The following NFIX variants were observed in gnomAD, a reference collection of about 807,000 sequenced individuals.
NFIX encodes the protein nuclear factor 1 X-type.
In NFIX, 2 loss-of-function variants were observed where a neutral mutation model predicts 53.3. The observed-to-expected ratio is 0.04, with a 90% CI of 0.02 to 0.12. NFIX has a LOEUF of 0.12. Among genes scored for constraint, NFIX ranks in the 10% least tolerant of loss-of-function variants. NFIX has a pLI of 1.00. For synonymous variants in NFIX, 244 were observed against 289.0 expected, an observed-to-expected ratio of 0.84 and a Z score of 1.58; for missense variants, 310 against 674.5, an observed-to-expected ratio of 0.46 and a Z score of 5.99.
chr19:13,072,139 C>T lies in NFIX; in HGVS notation c.560-908C>T, dbSNP rs965311442. On this transcript the variant is annotated intron_variant, in intron 2 of 10. Coordinates refer to ENST00000592199, the MANE Select transcript of NFIX (RefSeq NM_001365902.3). The surrounding 1 kb of genome is among the most constrained non-coding windows in gnomAD (Gnocchi z 4.0). ...CACAACCTGCCTGGCCCCCCTCCAC[C>T]ACCCTCTCGCCAGCTGTCATGCCCA... 6.6e-6 allele frequency among the ~76,000 whole-genome samples: 1 copy of T among 152,248 alleles called. No homozygotes were observed. Among genetic ancestry groups the T allele is most frequent in the African/African-American group, 2.4e-5 (1 of 41,466 alleles).
chr19:13,025,623 C>G lies in NFIX; in HGVS notation c.559+71C>G. 6.5e-7 allele frequency: 1 copy of G among 1,534,926 alleles called. No individual in the cohort carries two copies. On this transcript the variant is annotated intron_variant, in intron 2 of 10. Coordinates refer to ENST00000592199, the MANE Select transcript of NFIX (RefSeq NM_001365902.3). The surrounding 1 kb of genome is among the most constrained non-coding windows in gnomAD (Gnocchi z 7.5). ...CTGGCATTTGTTCTGTTTATTGTTC[C>G]TCTAATTTCCAAGCGATAACTCGCC...
In NFIX at chr19:13,006,172, C is replaced by T. The variant is rs1049352712; in HGVS notation, c.27+10308C>T. 3.9e-5 allele frequency among the ~76,000 whole-genome samples: 6 copies of T among 152,132 alleles called. No individual in the cohort carries two copies. Among genetic ancestry groups the T allele is most frequent in the Non-Finnish European group, 7.4e-5 (5 of 68,020 alleles). ...GTGCTGTGGGAAGAACAGAGCTGGC[C>T]GGGCCCTCGGGAGTGCTGGGCAGCT... is the stretch of plus-strand genomic sequence containing the variant. On this transcript the variant is annotated intron_variant, in intron 1 of 10. Transcript: ENST00000592199. This position sits in a 1 kb window ranked among gnomAD's most constrained non-coding sequence, Gnocchi z 5.6.
rs1266320835 is a variant in NFIX, at chr19:12,998,182, T to C, written c.27+2318T>C. On this transcript the variant is annotated intron_variant, in intron 1 of 10. Coordinates refer to ENST00000592199, the MANE Select transcript of NFIX (RefSeq NM_001365902.3). This position sits in a 1 kb window ranked among gnomAD's most constrained non-coding sequence, Gnocchi z 4.4. ...CTGGTGTATTCTGCCCTTTTCCATC[T>C]CTCTTTCTCCATCTCTGTCCTTTTG... Among the ~76,000 whole-genome samples the C allele has an allele frequency of 2.6e-5, 4 of 152,140 alleles. No homozygotes were observed. Among genetic ancestry groups the C allele is most frequent in the Non-Finnish European group, 1.5e-5 (1 of 68,030 alleles).
intron 5 of NFIX, 61 bp downstream of exon 5, chr19:13,074,087 C>T: frequency 6.2e-7 from 1 of 1,602,394 alleles, no homozygotes; most frequent in Non-Finnish European, 8.5e-7. Context: ...CAGGGCCGTC[C>T]CAGTGGCTAT....
Position 13,011,182 on chromosome 19 carries a change from G to T in NFIX, c.28-13839G>T, listed in dbSNP as rs538539365. 2.0e-5 allele frequency among the ~76,000 whole-genome samples: 3 copies of T among 152,190 alleles called. No homozygotes were observed. The South Asian group carries it at 6.2e-4, about 32-fold the overall frequency. On this transcript the variant is annotated intron_variant, in intron 1 of 10. Transcript: ENST00000592199. The surrounding 1 kb of genome is among the most constrained non-coding windows in gnomAD (Gnocchi z 6.5). ...CGGACATCCCACGTTCTTAAAGACC[G>T]GGGACCCCCCCTCCCCCAAGGGCCG...
At position 13,072,943 on chromosome 19, in the gene NFIX, TG is replaced by T; in HGVS notation, c.560-101del. On this transcript the variant is annotated intron_variant, in intron 2 of 10. Coordinates refer to ENST00000592199, the MANE Select transcript of NFIX (RefSeq NM_001365902.3). The surrounding 1 kb of genome is among the most constrained non-coding windows in gnomAD (Gnocchi z 4.0). Reference sequence around the variant, plus strand: ...GGGGTGAAGGTTTCTGTAGCCAGGGTGGGCCGTCCCTGCTCTTGCACCAGGC... The same window carrying T: ...GGGGTGAAGGTTTCTGTAGCCAGGGTGGCCGTCCCTGCTCTTGCACCAGGC... The T allele has an allele frequency of 9.1e-7, 1 of 1,103,480 alleles. No individual in the cohort carries two copies. Among genetic ancestry groups the T allele is most frequent in the Non-Finnish European group, 1.4e-6 (1 of 715,892 alleles). 68.4% of individuals were successfully genotyped at this position (1,103,480 alleles called of 1,614,324 possible). A position where few individuals can be genotyped will look rare whatever the true frequency, so the allele number is the denominator to read the frequency against.
intron 2 of NFIX, among the ~76,000 whole-genome samples, chr19:13,064,471 G>A (rs2016282263): frequency 6.6e-6 from 1 of 152,206 alleles, no homozygotes; most frequent in South Asian, 2.1e-4. Context: ...CCCCACCCCT[G>A]TTTCTAGTAT....
chr19:13,091,531 G>A (rs2018139304), intron 10 of NFIX, among the ~76,000 whole-genome samples: 1 of 151,792 alleles, frequency 6.6e-6, no homozygotes, highest in Non-Finnish European at 1.5e-5. Flanking sequence ...CCAGAGTCAC[G>A]TCTGACCCGT....
At chr19:13,053,006 C>G (rs572370743) in intron 2 of NFIX, among the ~76,000 whole-genome samples, 128 of 152,358 alleles carry the variant, frequency 8.4e-4, no homozygotes, top group Middle Eastern at 6.8e-3. Context: ...AGCCTTAAGA[C>G]GTCCCTTCCT....
Position 13,073,226 on chromosome 19 carries a change from C to G in NFIX, c.622+117C>G, listed in dbSNP as rs1357342407. 9.2e-7 allele frequency: 1 copy of G among 1,089,582 alleles called. No homozygotes were observed. The highest frequency in any genetic ancestry group is 1.4e-6 in the Non-Finnish European group (1 of 705,652). The allele number at this position is 1,089,582 out of a possible 1,614,324, so 67.5% of individuals were successfully genotyped here. A position where few individuals can be genotyped will look rare whatever the true frequency, so the allele number is the denominator to read the frequency against. Reference sequence around the variant, plus strand: ...TCCCCTTCATTCAGCTGTCCCTTGACTGAGCTTAGCTTGCTGTCCTGAGGG... The same window carrying G: ...TCCCCTTCATTCAGCTGTCCCTTGAGTGAGCTTAGCTTGCTGTCCTGAGGG... On this transcript the variant is annotated intron_variant, in intron 3 of 10. Transcript: ENST00000592199. The surrounding 1 kb of genome is among the most constrained non-coding windows in gnomAD (Gnocchi z 4.5).
rs200138258 is a variant in NFIX, at chr19:13,044,998, C to T, written c.559+19446C>T. On this transcript the variant is annotated intron_variant, in intron 2 of 10. Coordinates refer to ENST00000592199, the MANE Select transcript of NFIX (RefSeq NM_001365902.3). The stretch of plus-strand genomic sequence containing the variant: ...GGTCCCACTGCAGGCTGTGGGATGA[C>T]ACGGGATGACTGCAGTACTGAGGAT... Among the ~76,000 whole-genome samples, 11 of 152,178 alleles carry T rather than the reference C, an allele frequency of 7.2e-5. No individual in the cohort carries two copies. The East Asian group carries it at 1.9e-3, about 27-fold the overall frequency.
intron 1 of NFIX, among the ~76,000 whole-genome samples, chr19:13,004,105 G>C (rs2011877636): frequency 6.6e-6 from 1 of 152,072 alleles, no homozygotes; most frequent in Non-Finnish European, 1.5e-5. Context: ...TGTGGAGGGG[G>C]TGCTATTTAG....
Position 13,049,875 on chromosome 19 carries a change from A to G in NFIX, c.560-23172A>G, listed in dbSNP as rs1262944039. On this transcript the variant is annotated intron_variant, in intron 2 of 10. Coordinates refer to ENST00000592199, the MANE Select transcript of NFIX (RefSeq NM_001365902.3). This position sits in a 1 kb window ranked among gnomAD's most constrained non-coding sequence, Gnocchi z 4.5. ...CCAAAGTGTTGGGATTACAGGCGAG[A>G]GCCACTGCACCCGGCCAGTTCCTTT... Among the ~76,000 whole-genome samples the G allele has an allele frequency of 6.6e-6, 1 of 152,208 alleles. No homozygotes were observed. Among genetic ancestry groups the G allele is most frequent in the Non-Finnish European group, 1.5e-5 (1 of 68,048 alleles).
In NFIX at chr19:13,073,703, A is replaced by C. The variant is rs1226269630; in HGVS notation, c.698-203A>C. On this transcript the variant is annotated intron_variant, in intron 4 of 10. Transcript: ENST00000592199. The surrounding 1 kb of genome is among the most constrained non-coding windows in gnomAD (Gnocchi z 4.5). ...CAGTCTCCATTGCTTTGGAGGAAAA[A>C]GAAAAAGTCACAACCAAAGGCTCTT... Among the ~76,000 whole-genome samples the C allele has an allele frequency of 6.6e-6, 1 of 152,146 alleles. No homozygotes were observed. Among genetic ancestry groups the C allele is most frequent in the Non-Finnish European group, 1.5e-5 (1 of 68,016 alleles).
rs1242568748 is a variant in NFIX, at chr19:13,093,174, A to C, written c.1495-1461A>C. The stretch of plus-strand genomic sequence containing the variant: ...CAGTAGCCACATTTCAAGTGCTTAG[A>C]AACCACTTGTGGCTAGTGGCTACTG... On this transcript the variant is annotated intron_variant, in intron 10 of 10. Coordinates refer to ENST00000592199, the MANE Select transcript of NFIX (RefSeq NM_001365902.3). The surrounding 1 kb of genome is among the most constrained non-coding windows in gnomAD (Gnocchi z 4.7). Among the ~76,000 whole-genome samples, 1 of 152,222 alleles carries C rather than the reference A, an allele frequency of 6.6e-6. No homozygotes were observed. Among genetic ancestry groups the C allele is most frequent in the Non-Finnish European group, 1.5e-5 (1 of 68,038 alleles).
chr19:13,050,084 T>C (rs2015236067), intron 2 of NFIX, among the ~76,000 whole-genome samples: 1 of 152,254 alleles, frequency 6.6e-6, no homozygotes, highest in Non-Finnish European at 1.5e-5. Flanking sequence ...GGAATTGCCC[T>C]GTCCTAGAGT....
rs1472891108 is a variant in NFIX at position 13,012,879 on chromosome 19, C to T, written c.28-12142C>T. On this transcript the variant is annotated intron_variant, in intron 1 of 10. Transcript: ENST00000592199. This position sits in a 1 kb window ranked among gnomAD's most constrained non-coding sequence, Gnocchi z 5.0. ...AGGAGCCTCACCTTCAATCCCCGAG[C>T]CTTCTCTTTTGGGGGAGTAAAGGCG... 6.6e-6 allele frequency among the ~76,000 whole-genome samples: 1 copy of T among 152,044 alleles called. No individual in the cohort carries two copies. Among genetic ancestry groups the T allele is most frequent in the East Asian group, 1.9e-4 (1 of 5,172 alleles).
At chr19:13,046,472 C>G (rs755215001) in intron 2 of NFIX, among the ~76,000 whole-genome samples, 30 of 151,844 alleles carry the variant, frequency 2.0e-4, no homozygotes, top group African/African-American at 4.6e-4. Context: ...CCTTCCCCCC[C>G]CCTCTTTTTT....
chr19:13,086,936 A>G (rs756547617), intron 8 of NFIX, among the ~76,000 whole-genome samples: 7 of 152,232 alleles, frequency 4.6e-5, no homozygotes, highest in Non-Finnish European at 1.0e-4. Context: ...AGGAGCACAC[A>G]GCATCCTCTC....
Sources: allele counts gnomAD v4.1 joint callset (sites outside exome capture counted in the v4.1 genomes callset), GRCh38; gene constraint gnomAD v4.1.1; non-coding constraint Gnocchi (gnomAD v3.1); transcripts MANE v1.5; gene names NCBI Gene and HGNC (gene_info 2026-07-23, HGNC 2026-07-21).